Variants in HDX observed in about 807,000 individuals in gnomAD.
HDX encodes the protein highly divergent homeobox.
In HDX, 19 loss-of-function variants were observed where a neutral mutation model predicts 45.2. That is an observed-to-expected ratio of 0.42 (90% confidence interval 0.29 to 0.62). The LOEUF is 0.62. HDX is among the 20% of genes least tolerant of loss of function. The pLI is 0.20. For missense variants in HDX, 532 were observed against 493.9 expected, an observed-to-expected ratio of 1.08 and a Z score of -0.73; for synonymous variants, 188 against 172.8, an observed-to-expected ratio of 1.09 and a Z score of -0.69.
intron 5 of HDX, among the ~76,000 whole-genome samples, chrX:84,388,207 C>A (rs1178997043): frequency 9.0e-6 from 1 of 111,083 alleles, no homozygotes. Flanking sequence ...TGTGACTTGA[C>A]CCTTTTTTCT....
intron 5 of HDX, among the ~76,000 whole-genome samples, chrX:84,424,171 G>A (rs1287561235): frequency 3.6e-5 from 4 of 111,135 alleles, no homozygotes; most frequent in Non-Finnish European, 7.6e-5. Flanking sequence ...TCTAAATGCC[G>A]ACAGTAAACA....
At chrX:84,447,971 C>T (rs995726898) in intron 4 of HDX, among the ~76,000 whole-genome samples, 1 of 111,570 alleles carries the variant, frequency 9.0e-6, no homozygotes, top group Non-Finnish European at 1.9e-5. Context: ...ACTGCTATCC[C>T]CACCAAGCAT....
At chrX:84,441,614 T>C (rs1003524712) in intron 4 of HDX, among the ~76,000 whole-genome samples, 2 of 111,921 alleles carry the variant, frequency 1.8e-5, no homozygotes, top group Non-Finnish European at 3.8e-5. Context: ...CAAACCTCTC[T>C]AGATAAAAAT....
rs59321751 is a variant in HDX at position 84,356,614 on chromosome X, C to CTTT, written c.1452+4849_1452+4851dup. The stretch of plus-strand genomic sequence containing the variant: ...CACTAGCCAGGAATCCTGTGGATAT[C>CTTT]TTTTTTTTTTTTTTTTTTTTTTTTT... On this transcript the variant is annotated intron_variant, in intron 6 of 10. Transcript: ENST00000373177. 4.2e-3 allele frequency among the ~76,000 whole-genome samples: 165 copies of CTTT among 39,501 alleles called. 19 individuals are homozygous for CTTT. The highest frequency in any genetic ancestry group is 0.013 in the African/African-American group (113 of 9,002). 34.3% of individuals were successfully genotyped at this position (39,501 alleles called of 115,157 possible).
At chrX:84,324,578 T>C (rs964150825) in intron 10 of HDX, among the ~76,000 whole-genome samples, 3 of 111,680 alleles carry the variant, frequency 2.7e-5, no homozygotes, top group African/African-American at 9.7e-5. Context: ...TTTGTCCATA[T>C]ACTAATTTAT....
chrX:84,332,881 T>C (rs1042679716), intron 9 of HDX, among the ~76,000 whole-genome samples: 4 of 112,027 alleles, frequency 3.6e-5, no homozygotes, highest in African/African-American at 1.3e-4. Flanking sequence ...GCTTGACATG[T>C]TATGAATATT....
At chrX:84,339,408 T>G (rs1462231608) in intron 7 of HDX, among the ~76,000 whole-genome samples, 1 of 111,756 alleles carries the variant, frequency 8.9e-6, no homozygotes, top group Non-Finnish European at 1.9e-5. Flanking sequence ...AGGTTTGCCT[T>G]ATATTCCTAT....
At chrX:84,335,091 A>T (rs1431987255) in intron 8 of HDX, among the ~76,000 whole-genome samples, 1 of 111,696 alleles carries the variant, frequency 9.0e-6, no homozygotes, top group African/African-American at 3.2e-5. Flanking sequence ...AAACAGCTGC[A>T]GTGAAATTAC....
Position 84,462,728 on chromosome X carries a change from CTT to C in HDX, c.1251+5742_1251+5743del, listed in dbSNP as rs369810604. ...AATTGGCATCAAAGAGAGTAATAAA[CTT>C]AGAAAAAAATTAATGAAATAGAAAT... On this transcript the variant is annotated intron_variant, in intron 4 of 10. Transcript: ENST00000373177. Among the ~76,000 whole-genome samples the C allele has an allele frequency of 2.7e-3, 304 of 110,569 alleles. 1 individual carries two copies. The highest frequency in any genetic ancestry group is 9.7e-3 in the African/African-American group (297 of 30,490).
At chrX:84,406,338 T>C (rs2038818879) in intron 5 of HDX, among the ~76,000 whole-genome samples, 1 of 110,449 alleles carries the variant, frequency 9.1e-6, no homozygotes, top group African/African-American at 3.3e-5. Context: ...TGACACGCTA[T>C]TAAGAAAACT....
At chrX:84,333,608 C>T (rs1290633197) in intron 9 of HDX, 151 bp downstream of exon 9, 3 of 356,822 alleles carry the variant, frequency 8.4e-6, no homozygotes, top group Non-Finnish European at 1.5e-5. Context: ...ATTAAAATAA[C>T]CAGCACTCTG....
chrX:84,348,705 G>A (rs1350495735), intron 6 of HDX, among the ~76,000 whole-genome samples: 4 of 111,101 alleles, frequency 3.6e-5, no homozygotes, highest in South Asian at 3.8e-4. Flanking sequence ...AATCTTTGCC[G>A]TGGCCTGTGA....
intron 4 of HDX, among the ~76,000 whole-genome samples, chrX:84,458,487 G>T (rs1379882948): frequency 8.9e-6 from 1 of 111,957 alleles, no homozygotes; most frequent in Non-Finnish European, 1.9e-5. Context: ...ATCTTCTGTT[G>T]ATAGTGATTG....
chrX:84,493,546 A>G (rs1403992482), intron 1 of HDX, among the ~76,000 whole-genome samples: 4 of 112,164 alleles, frequency 3.6e-5, no homozygotes, highest in African/African-American at 1.3e-4. Flanking sequence ...ATGAAAATAT[A>G]AAGGGACATA....
chrX:84,386,735 T>G (rs1302541838), intron 5 of HDX, among the ~76,000 whole-genome samples: 1 of 111,996 alleles, frequency 8.9e-6, no homozygotes, highest in Non-Finnish European at 1.9e-5. Context: ...TTTGGATTTT[T>G]TCTGTGTTAA....
intron 5 of HDX, among the ~76,000 whole-genome samples, chrX:84,403,161 T>C (rs564374350): frequency 1.8e-5 from 2 of 111,270 alleles, no homozygotes; most frequent in South Asian, 7.4e-4. Context: ...GAATATAGTA[T>C]ATACTATTGA....
At chrX:84,384,393 G>A (rs184572490) in intron 5 of HDX, among the ~76,000 whole-genome samples, 42 of 110,233 alleles carry the variant, frequency 3.8e-4, no homozygotes, top group Non-Finnish European at 3.6e-4. Context: ...TTGTTGATTT[G>A]TTTAAGTTTT....
intron 2 of HDX, among the ~76,000 whole-genome samples, chrX:84,481,559 C>T (rs2040679981): frequency 9.0e-6 from 1 of 111,124 alleles, no homozygotes; most frequent in South Asian, 3.8e-4. Context: ...CTCTATTAAC[C>T]TCGTTTTCTG....
At chrX:84,356,113 T>A (rs1328760527) in intron 6 of HDX, among the ~76,000 whole-genome samples, 2 of 111,513 alleles carry the variant, frequency 1.8e-5, no homozygotes, top group South Asian at 3.8e-4. Context: ...ACTTTCAAAT[T>A]ATACCGTAAG....
Sources: allele counts gnomAD v4.1 joint callset (sites outside exome capture counted in the v4.1 genomes callset), GRCh38; gene constraint gnomAD v4.1.1; transcripts MANE v1.5; gene names NCBI Gene and HGNC (gene_info 2026-07-23, HGNC 2026-07-21).